ANKIB1: variants seen among roughly 807,000 people sequenced by gnomAD.
The protein encoded by ANKIB1 is ankyrin repeat and IBR domain containing 1.
ANKIB1 carries 43 observed loss-of-function variants against 122.1 expected under a neutral mutation model. That is an observed-to-expected ratio of 0.35 (90% CI 0.28 to 0.45). The LOEUF is 0.45. ANKIB1 is among the 20% of genes least tolerant of loss of function. The pLI, the probability that ANKIB1 is intolerant of heterozygous loss-of-function variation, is 1.00. For synonymous variants in ANKIB1, 390 were observed against 442.0 expected, an observed-to-expected ratio of 0.88 and a Z score of 1.48; for missense variants, 992 against 1,329.5, an observed-to-expected ratio of 0.75 and a Z score of 3.95.
intron 1 of ANKIB1, among the ~76,000 whole-genome samples, chr7:92,264,885 G>A (rs1220157191): frequency 1.3e-5 from 2 of 152,060 alleles, no homozygotes; most frequent in Non-Finnish European, 2.9e-5. Flanking sequence ...TGATTTGAAG[G>A]GATACATAGA....
At chr7:92,390,154 A>G (rs1443725897) in intron 15 of ANKIB1, 38 bp downstream of exon 15, 4 of 1,431,236 alleles carry the variant, frequency 2.8e-6, no homozygotes, top group African/African-American at 1.5e-5. Context: ...GGCAGCAGTT[A>G]TTATGAAATA....
chr7:92,332,379 T>C (rs989716930), intron 5 of ANKIB1, among the ~76,000 whole-genome samples: 4 of 152,222 alleles, frequency 2.6e-5, no homozygotes, highest in African/African-American at 9.6e-5. Flanking sequence ...CATTCATTTT[T>C]ATACAGGAAA....
In ANKIB1 at chr7:92,246,213, C is replaced by T. The variant is rs908125368; in HGVS notation, c.-397C>T. On this transcript the variant is annotated 5_prime_UTR_variant, in exon 1 of 20. Coordinates refer to ENST00000265742, the MANE Select transcript of ANKIB1 (RefSeq NM_019004.2). Reference sequence around the variant, plus strand: ...GAGGCAAGAGCCACCGCCCCCTCTTCCCCTCCCCCGAGTGAGGCGGCGCAG... The same window carrying T: ...GAGGCAAGAGCCACCGCCCCCTCTTTCCCTCCCCCGAGTGAGGCGGCGCAG... 8.0e-6 allele frequency: 3 copies of T among 374,738 alleles called. No individual in the cohort carries two copies. The highest frequency in any genetic ancestry group is 2.3e-5 in the African/African-American group (1 of 43,622). 23.2% of individuals were successfully genotyped at this position (374,738 alleles called of 1,614,324 possible).
chr7:92,288,873 G>T (rs1253724354), intron 1 of ANKIB1, among the ~76,000 whole-genome samples: 1 of 151,880 alleles, frequency 6.6e-6, no homozygotes, highest in Non-Finnish European at 1.5e-5. Flanking sequence ...CTACTAACTA[G>T]AAACTGACAA....
chr7:92,364,797 GATGAGT>G (rs1804035698), intron 10 of ANKIB1, among the ~76,000 whole-genome samples: 1 of 152,208 alleles, frequency 6.6e-6, no homozygotes, highest in Non-Finnish European at 1.5e-5. Flanking sequence ...CAAGATAACT[GATGAGT>G]ATGAAGGGTG....
At chr7:92,318,499 T>A (rs999568412) in intron 3 of ANKIB1, among the ~76,000 whole-genome samples, 2 of 152,140 alleles carry the variant, frequency 1.3e-5, no homozygotes, top group African/African-American at 4.8e-5. Flanking sequence ...AGATCAAAAC[T>A]CTGTCTCAAA....
At chr7:92,253,868 CTT>C (rs1341606328) in intron 1 of ANKIB1, among the ~76,000 whole-genome samples, 1 of 152,154 alleles carries the variant, frequency 6.6e-6, no homozygotes, top group Non-Finnish European at 1.5e-5. Flanking sequence ...TGTGCCTTTG[CTT>C]TTTCTGTCTA....
intron 1 of ANKIB1, among the ~76,000 whole-genome samples, chr7:92,279,598 AG>A (rs1309778562): frequency 1.3e-5 from 2 of 151,708 alleles, no homozygotes; most frequent in Non-Finnish European, 2.9e-5. Context: ...CTATTCATTG[AG>A]CCTGTTCCTG....
At chr7:92,296,769 A>G (rs1356702456) in intron 2 of ANKIB1, among the ~76,000 whole-genome samples, 2 of 152,154 alleles carry the variant, frequency 1.3e-5, no homozygotes, top group African/African-American at 4.8e-5. Context: ...AAGTTCTATA[A>G]AATCATTACA....
At chr7:92,277,411 A>G (rs754726719) in intron 1 of ANKIB1, among the ~76,000 whole-genome samples, 11 of 152,192 alleles carry the variant, frequency 7.2e-5, no homozygotes, top group Non-Finnish European at 2.9e-5. Flanking sequence ...TTTGATTTAC[A>G]GTGGCTTTAT....
intron 4 of ANKIB1, among the ~76,000 whole-genome samples, chr7:92,322,408 G>A (rs1488580401): frequency 6.6e-6 from 1 of 151,998 alleles, no homozygotes; most frequent in Non-Finnish European, 1.5e-5. Context: ...GAATATTGAA[G>A]TATACCAAAA....
chr7:92,325,490 C>T (rs1244627943), intron 4 of ANKIB1, among the ~76,000 whole-genome samples: 3 of 152,166 alleles, frequency 2.0e-5, no homozygotes, highest in African/African-American at 7.2e-5. Context: ...TTTTTCCACC[C>T]TCCCTCCCAA....
chr7:92,305,498 T>C (rs573714034), intron 2 of ANKIB1, among the ~76,000 whole-genome samples: 34 of 152,284 alleles, frequency 2.2e-4, no homozygotes, highest in South Asian at 8.3e-4. Context: ...CTATAAACTA[T>C]TTGGGAGAAG....
chr7:92,269,976 G>A (rs1374356573), intron 1 of ANKIB1, among the ~76,000 whole-genome samples: 1 of 150,122 alleles, frequency 6.7e-6, no homozygotes, highest in Non-Finnish European at 1.5e-5. Flanking sequence ...CCCCTGACAG[G>A]CCCCAGTGTG....
chr7:92,397,797 C>A lies in ANKIB1; in HGVS notation c.2470C>A (p.His824Asn). The A allele has an allele frequency of 6.2e-7, 1 of 1,607,378 alleles. No homozygotes were observed. The highest frequency in any genetic ancestry group is 1.1e-5 in the South Asian group (1 of 89,628). The change falls in exon 19 of 20, where the codon CAC (histidine) becomes AAC (asparagine). Residue 824 changes from histidine (H) to asparagine (N), a missense_variant. Physicochemically the swap from His to Asn is moderately conservative, Grantham distance 68 (BLOSUM62 1). Around this residue, in one of 4 missense-constraint regions of ANKIB1, gnomAD observed 384 missense variants for 412.0 expected, o/e 0.93. Coordinates refer to ENST00000265742, the MANE Select transcript of ANKIB1 (RefSeq NM_019004.2). ...AAGTTCTGCATCTATGAGTGTGCTG[C>A]ACAGCTCTTCCCTGCGTGACTACAC... is the stretch of plus-strand genomic sequence containing the variant. ...VVSSASMSVL[H>N]SSSLRDYTPA...
At chr7:92,352,362 A>C in intron 8 of ANKIB1, 114 bp from the exon 9 acceptor site, 4 of 1,105,946 alleles carry the variant, frequency 3.6e-6, no homozygotes, top group Non-Finnish European at 3.8e-6. Context: ...CATGCATTTT[A>C]TTTCACTCTT....
chr7:92,328,487 T>G (rs187680832), intron 5 of ANKIB1, among the ~76,000 whole-genome samples: 5 of 152,280 alleles, frequency 3.3e-5, no homozygotes, highest in Admixed American at 2.6e-4. Flanking sequence ...TCCTAAGTGC[T>G]CAGTTTAAGT....
At position 92,315,363 on chromosome 7, in the gene ANKIB1, A is replaced by G. The variant is rs118003854; in HGVS notation, c.487-3967A>G. On this transcript the variant is annotated intron_variant, in intron 3 of 19. Transcript: ENST00000265742. ...AATTACAACTAAAGTGTTAGGGAAT[A>G]AAGAATATAGACACTCATTTAGAAT... is the stretch of plus-strand genomic sequence containing the variant. 5.6e-3 allele frequency among the ~76,000 whole-genome samples: 856 copies of G among 152,328 alleles called. 27 individuals carry two copies. The highest frequency in any genetic ancestry group is 0.05 in the Admixed American group (764 of 15,304).
intron 3 of ANKIB1, among the ~76,000 whole-genome samples, chr7:92,316,373 C>T (rs1361306387): frequency 2.0e-5 from 3 of 152,202 alleles, no homozygotes; most frequent in Non-Finnish European, 4.4e-5. Context: ...ACTGGTGTTC[C>T]TGACTTTATG....
Sources: allele counts gnomAD v4.1 joint callset (sites outside exome capture counted in the v4.1 genomes callset), GRCh38; gene constraint gnomAD v4.1.1; regional missense constraint gnomAD v4.1.1; transcripts MANE v1.5; gene names NCBI Gene and HGNC (gene_info 2026-07-23, HGNC 2026-07-21).